SYCP1: variants seen among roughly 807,000 people sequenced by gnomAD.
SYCP1 encodes the protein cancer/testis antigen 8.
SYCP1 carries 64 observed loss-of-function variants against 153.1 expected under a neutral mutation model. The ratio of observed to expected loss-of-function variants is 0.42; its 90% CI spans 0.34 to 0.51. SYCP1 has a LOEUF of 0.51. SYCP1 is among the 20% of genes least tolerant of loss of function. The probability of loss-of-function intolerance (pLI) is 0.06; values close to 1 mark genes in which losing one functional copy is unlikely to be tolerated. For synonymous variants in SYCP1, 384 were observed against 341.8 expected (o/e 1.12, Z -1.36); for missense variants, 997 against 1,049.0 (o/e 0.95, Z 0.68).
At chr1:114,859,687 G>A (rs973436636) in intron 6 of SYCP1, 56 bp from the exon 7 acceptor site, 7 of 893,550 alleles carry the variant, frequency 7.8e-6, no homozygotes, top group Admixed American at 9.9e-5. Context: ...GATTATATTC[G>A]TGTTTATTTT....
intron 30 of SYCP1, among the ~76,000 whole-genome samples, chr1:114,990,126 G>T (rs1673823385): frequency 6.6e-6 from 1 of 151,932 alleles, no homozygotes; most frequent in Non-Finnish European, 1.5e-5. Context: ...TTAAAGGATA[G>T]ACATTACACA....
At chr1:114,968,078 T>C (rs1468621345) in intron 27 of SYCP1, among the ~76,000 whole-genome samples, 1 of 152,242 alleles carries the variant, frequency 6.6e-6, no homozygotes, top group African/African-American at 2.4e-5. Flanking sequence ...CCTTTGTGGG[T>C]AACCCGACCT....
At chr1:114,857,136 CAAAAAAAAAA>C (rs71582509) in intron 3 of SYCP1, 86 bp from the exon 4 acceptor site, 4 of 245,188 alleles carry the variant, frequency 1.6e-5, no homozygotes, top group Non-Finnish European at 2.4e-5. Context: ...CTCTCTCTCT[CAAAAAAAAAA>C]AAAAAAAAAA....
chr1:114,859,804 TA>T lies in SYCP1; in HGVS notation c.522del (p.Glu175ArgfsTer40). ...EEGIQENKDL[I>X]KENNATRHLC... ...GGAATACAAGAAAATAAAGATTTAATAAAAGAGTAAGTAGTAATTTAATGAA... is the reference window on the plus strand; with the variant it reads ...GGAATACAAGAAAATAAAGATTTAATAAAGAGTAAGTAGTAATTTAATGAA... On this transcript the variant is annotated frameshift_variant, in exon 7 of 32. Coordinates refer to ENST00000369522, the MANE Select transcript of SYCP1 (RefSeq NM_003176.4). LOFTEE classifies it high-confidence loss of function. 1 of 718,206 alleles carries T rather than the reference TA, an allele frequency of 1.4e-6. No individual in the cohort carries two copies. Among genetic ancestry groups the T allele is most frequent in the Non-Finnish European group, 2.0e-6 (1 of 496,286 alleles). 44.5% of individuals were successfully genotyped at this position (718,206 alleles called of 1,614,324 possible). A position where few individuals can be genotyped will look rare whatever the true frequency, so the allele number is the denominator to read the frequency against.
chr1:114,860,843 A>G (rs758554067), intron 8 of SYCP1, 34 bp downstream of exon 8: 15 of 1,480,078 alleles, frequency 1.0e-5, no homozygotes, highest in Non-Finnish European at 1.4e-5. Flanking sequence ...TGATTTTATC[A>G]ATTTATTTTA....
intron 29 of SYCP1, among the ~76,000 whole-genome samples, chr1:114,981,765 T>C (rs966554068): frequency 6.6e-6 from 1 of 152,028 alleles, no homozygotes; most frequent in Non-Finnish European, 1.5e-5. Flanking sequence ...TGTAAGCCAC[T>C]GTGCCTGGCC....
intron 16 of SYCP1, among the ~76,000 whole-genome samples, chr1:114,909,495 TACACACACAC>T (rs57520899): frequency 4.9e-4 from 52 of 106,504 alleles, no homozygotes; most frequent in African/African-American, 1.4e-3. Context: ...TCCCTTGCTG[TACACACACAC>T]ACACACACAC....
At chr1:114,904,302 G>T (rs1370394158) in intron 16 of SYCP1, among the ~76,000 whole-genome samples, 1 of 151,902 alleles carries the variant, frequency 6.6e-6, no homozygotes, top group Non-Finnish European at 1.5e-5. Context: ...ATTTTTAGTA[G>T]AGATGGGGTT....
Position 114,887,651 on chromosome 1 carries a change from A to G in SYCP1, c.1216A>G (p.Lys406Glu). 6.4e-7 allele frequency: 1 copy of G among 1,570,874 alleles called. No homozygotes were observed. Among genetic ancestry groups the G allele is most frequent in the Non-Finnish European group, 8.7e-7 (1 of 1,155,812 alleles). ...QRLEKNEDQL[K>E]ILTMELQKKS... ...ATTGGAAAAAAATGAAGATCAATTG[A>G]AAATACTTACCATGGAGCTTCAAAA... The change falls in exon 15 of 32, where the codon AAA (lysine) becomes GAA (glutamate). Residue 406 changes from lysine (K) to glutamate (E), a missense_variant. Transcript: ENST00000369522.
intron 8 of SYCP1, among the ~76,000 whole-genome samples, chr1:114,874,148 C>T (rs1297217129): frequency 2.0e-5 from 3 of 152,180 alleles, no homozygotes; most frequent in African/African-American, 7.2e-5. Flanking sequence ...TTATGGGTTT[C>T]TGCCCTGGTA....
intron 12 of SYCP1, among the ~76,000 whole-genome samples, chr1:114,884,183 T>C (rs568919401): frequency 1.3e-5 from 2 of 152,362 alleles, no homozygotes; most frequent in African/African-American, 2.4e-5. Context: ...AGTCCTGTTA[T>C]GATCTTGTCC....
intron 27 of SYCP1, among the ~76,000 whole-genome samples, chr1:114,972,433 T>C (rs937171311): frequency 6.6e-6 from 1 of 152,148 alleles, no homozygotes; most frequent in Non-Finnish European, 1.5e-5. Flanking sequence ...CTGATCTTTA[T>C]TGTTTCTTCT....
intron 8 of SYCP1, among the ~76,000 whole-genome samples, chr1:114,863,961 C>A (rs189885939): frequency 2.2e-4 from 21 of 97,032 alleles, no homozygotes; most frequent in African/African-American, 7.2e-4. Flanking sequence ...ATCACACACC[C>A]GGGCCTGTTG....
intron 23 of SYCP1, among the ~76,000 whole-genome samples, chr1:114,941,210 A>G (rs1670365025): frequency 6.6e-6 from 1 of 152,160 alleles, no homozygotes; most frequent in African/African-American, 2.4e-5. Context: ...TTGAAAAAAA[A>G]TCCACATATA....
In SYCP1 at chr1:114,910,196, G is replaced by T. The variant is rs1668086358; in HGVS notation, c.1321-201G>T. On this transcript the variant is annotated intron_variant, in intron 16 of 31. Coordinates refer to ENST00000369522, the MANE Select transcript of SYCP1 (RefSeq NM_003176.4). ...ATCTGTAACTAAACAATTAATTATT[G>T]TGTTCCAGGGCTGTGTCTACTGAAT... is the stretch of plus-strand genomic sequence containing the variant. 1.2e-5 allele frequency: 4 copies of T among 344,760 alleles called. 1 individual carries two copies. Among genetic ancestry groups the T allele is most frequent in the African/African-American group, 4.3e-5 (2 of 46,048 alleles). The allele number at this position is 344,760 out of a possible 1,614,324, so 21.4% of individuals were successfully genotyped here.
At chr1:114,860,694 G>T in intron 7 of SYCP1, 42 bp from the exon 8 acceptor site, 1 of 1,367,864 alleles carries the variant, frequency 7.3e-7, no homozygotes, top group Non-Finnish European at 1.0e-6. Flanking sequence ...ATTTTGCTTT[G>T]AGATCAGATT....
rs984807737 is a variant in SYCP1, at chr1:114,855,588, A to G, written c.108+16A>G. The G allele has an allele frequency of 3.8e-6, 6 of 1,576,072 alleles. No individual in the cohort carries two copies. The highest frequency in any genetic ancestry group is 5.2e-6 in the Non-Finnish European group (6 of 1,149,288). The stretch of plus-strand genomic sequence containing the variant: ...TTTCTTCAAGGTAAATTTCCATGTG[A>G]CTCTTAATTGGACTCTTCTTAACTT... On this transcript the variant is annotated intron_variant, in intron 2 of 31. Transcript: ENST00000369522.
intron 29 of SYCP1, among the ~76,000 whole-genome samples, chr1:114,984,382 G>T (rs149560923): frequency 1.1e-4 from 16 of 151,950 alleles, no homozygotes; most frequent in Middle Eastern, 3.4e-3. Context: ...TATTTTTTTC[G>T]ATCATGATTA....
chr1:114,968,060 T>G (rs1672249115), intron 27 of SYCP1, among the ~76,000 whole-genome samples: 1 of 152,248 alleles, frequency 6.6e-6, no homozygotes, highest in African/African-American at 2.4e-5. Flanking sequence ...GTTAATCTGA[T>G]GGGCTTCCCT....
Sources: gnomAD v4.1 joint callset for allele counts (sites outside exome capture counted in the v4.1 genomes callset) on GRCh38, gnomAD v4.1.1 for gene constraint, MANE v1.5 for transcripts, NCBI Gene and HGNC (gene_info 2026-07-23, HGNC 2026-07-21) for gene names.